RBM47: variants seen among roughly 807,000 people sequenced by gnomAD.
RBM47 encodes the protein RNA binding motif protein 47.
In RBM47, 21 loss-of-function variants were observed where a neutral mutation model predicts 47.1. The observed-to-expected ratio is 0.45, with a 90% confidence interval of 0.32 to 0.64. RBM47 has a LOEUF of 0.64. Ranked by LOEUF, RBM47 falls within the 30% of genes least tolerant of loss-of-function variation. The pLI is 0.05. For synonymous variants in RBM47, 375 were observed against 361.7 expected (o/e 1.04, Z -0.42); for missense variants, 708 against 870.9 (o/e 0.81, Z 2.35).
intron 1 of RBM47, among the ~76,000 whole-genome samples, chr4:40,624,133 G>A (rs578101217): frequency 5.9e-5 from 9 of 152,318 alleles, no homozygotes; most frequent in African/African-American, 2.2e-4. Flanking sequence ...ATTACGGTGT[G>A]AGTGACCAAG....
At chr4:40,534,109 C>T (rs1354694111) in intron 2 of RBM47, among the ~76,000 whole-genome samples, 2 of 152,000 alleles carry the variant, frequency 1.3e-5, no homozygotes, top group Non-Finnish European at 2.9e-5. Context: ...AGCCACCATG[C>T]CTGGCGCCTG....
intron 3 of RBM47, among the ~76,000 whole-genome samples, chr4:40,454,389 G>A (rs1409803143): frequency 6.6e-6 from 1 of 152,156 alleles, no homozygotes; most frequent in Non-Finnish European, 1.5e-5. Flanking sequence ...TCACTGTGAG[G>A]AATAAATGAG....
intron 1 of RBM47, among the ~76,000 whole-genome samples, chr4:40,570,830 T>C (rs1474674282): frequency 6.6e-6 from 1 of 150,380 alleles, no homozygotes; most frequent in Non-Finnish European, 1.5e-5. Context: ...AGAAAGTGGG[T>C]AAATGCTAAA....
intron 1 of RBM47, among the ~76,000 whole-genome samples, chr4:40,594,352 A>G (rs779959205): frequency 6.6e-6 from 1 of 152,190 alleles, no homozygotes; most frequent in Non-Finnish European, 1.5e-5. Flanking sequence ...TTGTACTGAG[A>G]TAGCAAATCT....
intron 1 of RBM47, among the ~76,000 whole-genome samples, chr4:40,592,148 C>G (rs922261923): frequency 6.6e-6 from 1 of 152,190 alleles, no homozygotes; most frequent in Non-Finnish European, 1.5e-5. Context: ...ACCTGTGACT[C>G]TGCAAAAACT....
At chr4:40,610,509 C>G (rs1736163993) in intron 1 of RBM47, among the ~76,000 whole-genome samples, 1 of 149,834 alleles carries the variant, frequency 6.7e-6, no homozygotes, top group African/African-American at 2.5e-5. Context: ...ACTCAGGAGG[C>G]TGAGGCCAGC....
At chr4:40,444,669 GTTT>G (rs773605501) in intron 3 of RBM47, among the ~76,000 whole-genome samples, 1 of 139,516 alleles carries the variant, frequency 7.2e-6, no homozygotes, top group Admixed American at 7.3e-5. Flanking sequence ...AATTCTAACT[GTTT>G]TTTTTTTTTT....
At chr4:40,581,421 A>C (rs966015910) in intron 1 of RBM47, among the ~76,000 whole-genome samples, 2 of 137,692 alleles carry the variant, frequency 1.5e-5, no homozygotes, top group Non-Finnish European at 3.2e-5. Flanking sequence ...AACTTGTCTC[A>C]AAAAAAAAGT....
intron 6 of RBM47, among the ~76,000 whole-genome samples, chr4:40,430,870 T>C (rs1186938751): frequency 1.3e-5 from 2 of 152,088 alleles, no homozygotes; most frequent in African/African-American, 4.8e-5. Context: ...GAGGATCGCT[T>C]GAGCCCAGGA....
intron 1 of RBM47, among the ~76,000 whole-genome samples, chr4:40,563,924 A>G (rs912706363): frequency 1.3e-5 from 2 of 152,222 alleles, no homozygotes; most frequent in African/African-American, 4.8e-5. Context: ...AAAGCTATGA[A>G]AAATAGCCCA....
chr4:40,592,630 G>C (rs1429167965), intron 1 of RBM47, among the ~76,000 whole-genome samples: 1 of 150,986 alleles, frequency 6.6e-6, no homozygotes, highest in African/African-American at 2.4e-5. Flanking sequence ...CTCTATGTTG[G>C]CCAGGCTGGT....
intron 1 of RBM47, among the ~76,000 whole-genome samples, chr4:40,568,428 C>CAAAA (rs35434439): frequency 3.5e-5 from 2 of 57,574 alleles, no homozygotes; most frequent in Non-Finnish European, 6.7e-5. Context: ...AACCCTGTCT[C>CAAAA]AAAAAAAAAA....
intron 1 of RBM47, among the ~76,000 whole-genome samples, chr4:40,564,629 G>T (rs999837296): frequency 2.0e-5 from 3 of 152,162 alleles, no homozygotes; most frequent in Non-Finnish European, 4.4e-5. Flanking sequence ...GAAGCAATAG[G>T]AAGGAATCAA....
chr4:40,450,564 T>C (rs554682236), intron 3 of RBM47, among the ~76,000 whole-genome samples: 5 of 151,756 alleles, frequency 3.3e-5, no homozygotes, highest in African/African-American at 1.2e-4. Context: ...ATCGCACCAA[T>C]GCACTCCAGC....
rs193045825 is a variant in RBM47 at position 40,446,237 on chromosome 4, C to T, written c.-31-7313G>A. 3.3e-5 allele frequency among the ~76,000 whole-genome samples: 5 copies of T among 152,288 alleles called. No homozygotes were observed. In the East Asian group the frequency reaches 5.8e-4, roughly 18 times the overall value. ...ATCCTCACAGTGTCTATATGGTATA[C>T]GACTAGGGTCTCCACCCTACAGATA... On this transcript the variant is annotated intron_variant, in intron 3 of 6. Transcript: ENST00000295971.
chr4:40,542,890 C>G (rs544963883), intron 2 of RBM47: 1 of 152,278 alleles, frequency 6.6e-6, no homozygotes, highest in Non-Finnish European at 1.5e-5. Flanking sequence ...TCAGCCCACT[C>G]ATTACTCTGT....
chr4:40,596,090 T>C (rs1734730425), intron 1 of RBM47, among the ~76,000 whole-genome samples: 1 of 152,168 alleles, frequency 6.6e-6, no homozygotes, highest in Non-Finnish European at 1.5e-5. Flanking sequence ...ATCAGAGACA[T>C]GGGCAAAGCA....
intron 1 of RBM47, among the ~76,000 whole-genome samples, chr4:40,607,509 C>A (rs939862307): frequency 6.6e-6 from 1 of 152,092 alleles, no homozygotes; most frequent in Admixed American, 6.6e-5. Context: ...GAGTTTGAGA[C>A]CAGCCTGTAC....
At chr4:40,461,154 T>A (rs1311124380) in intron 3 of RBM47, among the ~76,000 whole-genome samples, 7 of 152,204 alleles carry the variant, frequency 4.6e-5, no homozygotes, top group African/African-American at 1.2e-4. Context: ...AGGAAATTTA[T>A]GATTTCCCAG....
Sources: gnomAD v4.1 joint callset for allele counts (sites outside exome capture counted in the v4.1 genomes callset) on GRCh38, gnomAD v4.1.1 for gene constraint, MANE v1.5 for transcripts, NCBI Gene and HGNC (gene_info 2026-07-23, HGNC 2026-07-21) for gene names.